Variants in POLE2 observed in about 807,000 individuals in gnomAD.
POLE2 encodes the protein DNA polymerase epsilon subunit 2.
POLE2 carries 56 observed loss-of-function variants against 79.4 expected under a neutral mutation model. That is an observed-to-expected ratio of 0.71 (90% CI 0.57 to 0.88). The LOEUF (loss-of-function observed/expected upper bound fraction) is 0.88, where lower values mean the gene tolerates loss of function less well. Among genes scored for constraint, POLE2 ranks in the 40% least tolerant of loss-of-function variants. The pLI is 0.00. For synonymous variants in POLE2, 212 were observed against 214.0 expected (o/e 0.99, Z 0.08); for missense variants, 598 against 638.9 (o/e 0.94, Z 0.69).
chr14:49,684,106 T>C (rs902794519), intron 1 of POLE2, among the ~76,000 whole-genome samples: 10 of 152,224 alleles, frequency 6.6e-5, no homozygotes, highest in African/African-American at 2.2e-4. Flanking sequence ...TATATTTAAT[T>C]TGATAATGCA....
intron 2 of POLE2, among the ~76,000 whole-genome samples, chr14:49,682,639 GGAAAAAAAAAAAAAA>G (rs1057007379): frequency 4.9e-5 from 5 of 101,948 alleles, no homozygotes; most frequent in African/African-American, 2.7e-4. Context: ...TCCTTCTCAG[GGAAAAAAAAAAAAAA>G]AAAAAAAAAA....
chr14:49,678,339 G>A (rs11625706), intron 3 of POLE2, among the ~76,000 whole-genome samples: 13,199 of 152,012 alleles, frequency 0.087, 766 homozygotes, highest in Non-Finnish European at 0.13. Context: ...AGCAACACCT[G>A]GACAAGGGGC....
At chr14:49,647,399 CT>C (rs3218792) in intron 17 of POLE2, 39 bp from the exon 18 acceptor site, 161,430 of 872,052 alleles carry the variant, frequency 0.19, 18,627 homozygotes, top group Admixed American at 0.31. Flanking sequence ...AATGCTCAGA[CT>C]TTTTTTTAAA....
At chr14:49,683,473 C>A in intron 2 of POLE2, 120 bp downstream of exon 2, 1 of 549,942 alleles carries the variant, frequency 1.8e-6, no homozygotes, top group Non-Finnish European at 3.2e-6. Context: ...ACCATGCATA[C>A]ATCTTATAAC....
At chr14:49,687,851 C>A (rs1887268866) in intron 1 of POLE2, among the ~76,000 whole-genome samples, 3 of 152,114 alleles carry the variant, frequency 2.0e-5, no homozygotes, top group Non-Finnish European at 2.9e-5. Context: ...AAGCGCGCGC[C>A]ACCACGCCCA....
At chr14:49,665,007 AC>A (rs1254824990) in intron 8 of POLE2, 99 bp downstream of exon 8, 1 of 686,728 alleles carries the variant, frequency 1.5e-6, no homozygotes, top group African/African-American at 1.8e-5. Flanking sequence ...TAGAGAAGTT[AC>A]ATTGAGAACC....
intron 3 of POLE2, among the ~76,000 whole-genome samples, chr14:49,678,222 C>T (rs1886438934): frequency 1.3e-5 from 2 of 151,834 alleles, no homozygotes; most frequent in African/African-American, 2.4e-5. Context: ...AGGCTGGTCT[C>T]GAACTCCTGA....
chr14:49,663,367 A>AC lies in POLE2; in HGVS notation c.702dup (p.Phe235ValfsTer12). On this transcript the variant is annotated frameshift_variant, in exon 10 of 19. Coordinates refer to ENST00000216367, the MANE Select transcript of POLE2 (RefSeq NM_002692.4). LOFTEE classifies it high-confidence loss of function. ...GGAAATCCAAAGGCATTGACATGAA[A>AC]CACTTGATCTTCAAACCAACCTGAA... is the stretch of plus-strand genomic sequence containing the variant. The AC allele has an allele frequency of 6.2e-7, 1 of 1,610,568 alleles. No individual in the cohort carries two copies. The highest frequency in any genetic ancestry group is 8.5e-7 in the Non-Finnish European group (1 of 1,177,688).
intron 10 of POLE2, among the ~76,000 whole-genome samples, chr14:49,662,215 T>C (rs1329639763): frequency 1.3e-5 from 2 of 152,238 alleles, no homozygotes; most frequent in East Asian, 3.8e-4. Flanking sequence ...GTAGATGCTC[T>C]GCACAGGCCG....
intron 10 of POLE2, among the ~76,000 whole-genome samples, 195 bp from the exon 11 acceptor site, chr14:49,656,038 T>C (rs1594570997): frequency 6.6e-6 from 1 of 152,258 alleles, no homozygotes; most frequent in South Asian, 2.1e-4. Flanking sequence ...GTAAATAAAA[T>C]AATAGGCTAT....
chr14:49,662,233 A>C (rs534965284), intron 10 of POLE2, among the ~76,000 whole-genome samples: 1 of 152,332 alleles, frequency 6.6e-6, no homozygotes, highest in African/African-American at 2.4e-5. Context: ...CCGCCCTGCC[A>C]GTAAACTCCC....
At position 49,687,276 on chromosome 14, in the gene POLE2, T is replaced by A. The variant is rs1026110063; in HGVS notation, c.68+860A>T. 5.6e-4 allele frequency among the ~76,000 whole-genome samples: 72 copies of A among 129,304 alleles called. No homozygotes were observed. In the East Asian group the frequency reaches 0.011, roughly 19 times the overall value. 84.8% of individuals were successfully genotyped at this position (129,304 alleles called of 152,430 possible). A position where few individuals can be genotyped will look rare whatever the true frequency, so the allele number is the denominator to read the frequency against. On this transcript the variant is annotated intron_variant, in intron 1 of 18. Transcript: ENST00000216367. ...AGACCATGACTCAAAAAAAAAAAAA[T>A]ACATATATATATATACACACACACC...
At chr14:49,685,880 G>A (rs1887099734) in intron 1 of POLE2, among the ~76,000 whole-genome samples, 1 of 151,922 alleles carries the variant, frequency 6.6e-6, no homozygotes, top group Non-Finnish European at 1.5e-5. Context: ...GCCCACCTCA[G>A]CCTCCCAAAG....
chr14:49,654,637 G>T, intron 13 of POLE2, 147 bp downstream of exon 13: 1 of 924,696 alleles, frequency 1.1e-6, no homozygotes, highest in Non-Finnish European at 1.5e-6. Flanking sequence ...TACAATGTGA[G>T]GATAACTTTA....
rs954152206 is a variant in POLE2, at chr14:49,647,164, C to T, written c.1565+129G>A. On this transcript the variant is annotated intron_variant, in intron 18 of 18. Coordinates refer to ENST00000216367, the MANE Select transcript of POLE2 (RefSeq NM_002692.4). ...CACAGCATAACCGTGATAAGCTCAGCCAATAATATTTCTTTATGGGCCACT... is the reference window on the plus strand; with the variant it reads ...CACAGCATAACCGTGATAAGCTCAGTCAATAATATTTCTTTATGGGCCACT... 4 of 585,942 alleles carry T rather than the reference C, an allele frequency of 6.8e-6. No individual in the cohort carries two copies. The Admixed American group carries it at 1.5e-4, about 21-fold the overall frequency. The allele number at this position is 585,942 out of a possible 1,614,324, so 36.3% of individuals were successfully genotyped here.
In POLE2 at chr14:49,671,230, T is replaced by C. The variant is rs142178774; in HGVS notation, c.418-1632A>G. ...TCTCTGTATAAAGGACAGTGCCAAATGTGGCACAGGAGATAAACAACGAAT... is the reference window on the plus strand; with the variant it reads ...TCTCTGTATAAAGGACAGTGCCAAACGTGGCACAGGAGATAAACAACGAAT... On this transcript the variant is annotated intron_variant, in intron 5 of 18. Transcript: ENST00000216367. Among the ~76,000 whole-genome samples the C allele has an allele frequency of 2.0e-3, 303 of 152,262 alleles. 3 individuals are homozygous for C. The highest frequency in any genetic ancestry group is 6.8e-3 in the African/African-American group (283 of 41,566).
rs183283800 is a variant in POLE2, at chr14:49,649,597, G to A, written c.1497+668C>T. ...CCCAAGTAGGTGGGATTACAGGCGC[G>A]CACCACCACGCCCAGCTAATTATTG... On this transcript the variant is annotated intron_variant, in intron 17 of 18. Transcript: ENST00000216367. Among the ~76,000 whole-genome samples the A allele has an allele frequency of 2.7e-4, 41 of 150,580 alleles. 1 individual carries two copies. Among genetic ancestry groups the A allele is most frequent in the East Asian group, 9.8e-4 (5 of 5,092 alleles).
chr14:49,646,044 C>G (rs774050217), intron 18 of POLE2, among the ~76,000 whole-genome samples: 1 of 152,142 alleles, frequency 6.6e-6, no homozygotes, highest in Non-Finnish European at 1.5e-5. Context: ...TTGACTTAGT[C>G]CTGGGGTCAC....
chr14:49,677,277 G>A (rs748779890), intron 3 of POLE2: 18 of 598,470 alleles, frequency 3.0e-5, no homozygotes, highest in South Asian at 5.6e-5. Flanking sequence ...TGCTGCTTCC[G>A]TTCTTTAAGA....
Sources: gnomAD v4.1 joint callset for allele counts (sites outside exome capture counted in the v4.1 genomes callset) on GRCh38, gnomAD v4.1.1 for gene constraint, MANE v1.5 for transcripts, NCBI Gene and HGNC (gene_info 2026-07-23, HGNC 2026-07-21) for gene names.